ATG13: variants seen among roughly 807,000 people sequenced by gnomAD.
ATG13 encodes autophagy related 13, also known as autophagy-related protein 13.
In ATG13, 23 loss-of-function variants were observed where a neutral mutation model predicts 65.5. That is an observed-to-expected ratio of 0.35 (90% CI 0.25 to 0.50). The LOEUF is 0.50. ATG13 is among the 20% of genes least tolerant of loss of function. The pLI is 0.98. For synonymous variants in ATG13, 252 were observed against 245.2 expected, an observed-to-expected ratio of 1.03 and a Z score of -0.26; for missense variants, 566 against 677.0, an observed-to-expected ratio of 0.84 and a Z score of 1.82.
chr11:46,664,119 G>C, intron 12 of ATG13, 24 bp downstream of exon 12: 2 of 1,486,866 alleles, frequency 1.3e-6, no homozygotes, highest in Non-Finnish European at 1.8e-6. Context: ...GGGAAGAAGG[G>C]GATATAATCA....
intron 5 of ATG13, 108 bp downstream of exon 5, chr11:46,646,097 C>A: frequency 7.1e-7 from 1 of 1,411,530 alleles, no homozygotes; most frequent in Non-Finnish European, 9.6e-7. Context: ...CTCTGATATT[C>A]TTATCATTCT....
chr11:46,653,180 C>CTTTTTTTTTT (rs1226638713), intron 7 of ATG13, among the ~76,000 whole-genome samples: 34 of 132,624 alleles, frequency 2.6e-4, no homozygotes, highest in Non-Finnish European at 3.7e-4. Context: ...CATTTCTTTT[C>CTTTTTTTTTT]TTTTTTTTTT....
At chr11:46,661,415 G>A (rs1284659273) in intron 11 of ATG13, among the ~76,000 whole-genome samples, 3 of 151,368 alleles carry the variant, frequency 2.0e-5, no homozygotes, top group Non-Finnish European at 4.4e-5. Flanking sequence ...CTACTCAGGA[G>A]GCCGAGGCAG....
intron 5 of ATG13, 70 bp from the exon 6 acceptor site, chr11:46,649,067 T>C (rs1221894990): frequency 7.3e-7 from 1 of 1,365,506 alleles, no homozygotes; most frequent in Admixed American, 2.1e-5. Context: ...TTTAATATTT[T>C]TATAGTGACT....
intron 11 of ATG13, 92 bp from the exon 12 acceptor site, chr11:46,663,905 C>G: frequency 1.1e-6 from 1 of 920,006 alleles, no homozygotes; most frequent in Non-Finnish European, 1.6e-6. Context: ...TTGCTACTGC[C>G]CCTTCCAGAG....
At chr11:46,656,163 C>T (rs749997569) in intron 7 of ATG13, 70 bp from the exon 8 acceptor site, 75 of 1,360,250 alleles carry the variant, frequency 5.5e-5, no homozygotes, top group East Asian at 1.4e-4. Context: ...TTTGTTTCTA[C>T]GTGTTTTGGC....
intron 7 of ATG13, among the ~76,000 whole-genome samples, 199 bp from the exon 8 acceptor site, chr11:46,656,034 T>A (rs559064150): frequency 6.6e-6 from 1 of 152,206 alleles, no homozygotes; most frequent in Non-Finnish European, 1.5e-5. Flanking sequence ...TTTTCCTTAT[T>A]TTTTAACCAA....
rs774933850 is a variant in ATG13 at position 46,656,215 on chromosome 11, A to AT, written c.459-12dup. 12 of 1,609,048 alleles carry AT rather than the reference A, an allele frequency of 7.5e-6. No individual in the cohort carries two copies. The African/African-American group carries it at 1.1e-4, about 14-fold the overall frequency. ...AGTAAAGAATCAGGTAACATTTCTT[A>AT]TTTTTTCTTCCATACAGGATATATT... On this transcript the variant is annotated splice_polypyrimidine_tract_variant and intron_variant, in intron 7 of 18. Coordinates refer to ENST00000683050, the MANE Select transcript of ATG13 (RefSeq NM_001346311.2).
chr11:46,625,974 G>A (rs2049436769), intron 1 of ATG13, among the ~76,000 whole-genome samples: 1 of 152,042 alleles, frequency 6.6e-6, no homozygotes, highest in South Asian at 2.1e-4. Context: ...TTGTTTGTTT[G>A]TTTTTGAGAC....
At chr11:46,624,145 C>T (rs1413630921) in intron 1 of ATG13, among the ~76,000 whole-genome samples, 1 of 151,912 alleles carries the variant, frequency 6.6e-6, no homozygotes, top group Non-Finnish European at 1.5e-5. Flanking sequence ...GCTGGGACTA[C>T]AGGCATGCGT....
In ATG13 at chr11:46,668,941, C is replaced by G. The variant is rs752340413; in HGVS notation, c.1446+31C>G. 2.6e-6 allele frequency: 4 copies of G among 1,541,054 alleles called. No individual in the cohort carries two copies. In the East Asian group the frequency reaches 9.0e-5, roughly 35 times the overall value. ...TCGCCGTCACCTTCCTTGACCTTTG[C>G]TGTCCCGGGGAACTAGACCTAGAAG... On this transcript the variant is annotated intron_variant, in intron 17 of 18. Transcript: ENST00000683050.
intron 14 of ATG13, among the ~76,000 whole-genome samples, chr11:46,666,976 C>T: frequency 6.6e-6 from 1 of 152,064 alleles, no homozygotes; most frequent in Non-Finnish European, 1.5e-5. Flanking sequence ...GCTTCTCAAA[C>T]TTCCATCCTC....
At chr11:46,629,166 T>C (rs1441541616) in intron 1 of ATG13, among the ~76,000 whole-genome samples, 1 of 151,860 alleles carries the variant, frequency 6.6e-6, no homozygotes, top group African/African-American at 2.4e-5. Context: ...TGGTCTTGAA[T>C]TCCTGACCTC....
intron 1 of ATG13, among the ~76,000 whole-genome samples, chr11:46,627,653 AT>A (rs934830553): frequency 5.7e-4 from 86 of 151,684 alleles, no homozygotes; most frequent in African/African-American, 2.0e-3. Context: ...TTATTTTTTT[AT>A]TTTTAATAGA....
intron 1 of ATG13, chr11:46,629,764 C>A (rs2051023487): frequency 6.6e-6 from 1 of 152,086 alleles, no homozygotes; most frequent in African/African-American, 2.4e-5. Flanking sequence ...ATTGTCAGCT[C>A]CCCCTTGTTA....
At chr11:46,642,840 C>T (rs2056491247) in intron 2 of ATG13, among the ~76,000 whole-genome samples, 1 of 152,220 alleles carries the variant, frequency 6.6e-6, no homozygotes, top group Non-Finnish European at 1.5e-5. Context: ...GTCTCGCACA[C>T]TAGGTGCAGA....
At chr11:46,632,664 T>C (rs1484873834) in intron 2 of ATG13, among the ~76,000 whole-genome samples, 1 of 151,988 alleles carries the variant, frequency 6.6e-6, no homozygotes, top group Admixed American at 6.6e-5. Context: ...ATACATACAT[T>C]GTCAGGTCCG....
intron 9 of ATG13, 157 bp downstream of exon 9, chr11:46,657,348 G>A (rs1399717724): frequency 1.1e-6 from 1 of 912,726 alleles, no homozygotes; most frequent in Non-Finnish European, 1.7e-6. Flanking sequence ...GAGAATTTGA[G>A]TGTCCCAGAG....
rs1349748267 is a variant in ATG13 at position 46,665,206 on chromosome 11, G to A, written c.1000-177G>A. On this transcript the variant is annotated intron_variant, in intron 13 of 18. Coordinates refer to ENST00000683050, the MANE Select transcript of ATG13 (RefSeq NM_001346311.2). ...TCCTCTGTAGTCATTAGTCATTACC[G>A]TGCATTTCTTCCATTAACTGAGTTT... 2.6e-5 allele frequency among the ~76,000 whole-genome samples: 4 copies of A among 152,256 alleles called. No homozygotes were observed. In the East Asian group the frequency reaches 7.7e-4, roughly 29 times the overall value.
Sources: gnomAD v4.1 joint callset for allele counts (sites outside exome capture counted in the v4.1 genomes callset) on GRCh38, gnomAD v4.1.1 for gene constraint, MANE v1.5 for transcripts, NCBI Gene and HGNC (gene_info 2026-07-23, HGNC 2026-07-21) for gene names.